Variants in FAM227B observed in about 807,000 individuals in gnomAD.
The protein encoded by FAM227B is family with sequence similarity 227 member B.
A neutral mutation model predicts 73.8 loss-of-function variants in FAM227B; 88 were observed. The ratio of observed to expected loss-of-function variants is 1.19; its 90% confidence interval spans 1.00 to 1.42. The LOEUF is 1.42. FAM227B is among the 40% of genes most tolerant of loss of function. The pLI, the probability that FAM227B is intolerant of heterozygous loss-of-function variation, is 0.00. For missense variants in FAM227B, 632 were observed against 590.9 expected, an observed-to-expected ratio of 1.07 and a Z score of -0.72; for synonymous variants, 210 against 190.5, an observed-to-expected ratio of 1.10 and a Z score of -0.84.
chr15:49,494,179 G>A (rs1597585623), intron 11 of FAM227B, among the ~76,000 whole-genome samples: 1 of 151,312 alleles, frequency 6.6e-6, no homozygotes, highest in African/African-American at 2.4e-5. Context: ...TAATGCTTGA[G>A]TCTTAAATAT....
intron 10 of FAM227B, among the ~76,000 whole-genome samples, chr15:49,540,695 G>A (rs1875423185): frequency 6.6e-6 from 1 of 152,156 alleles, no homozygotes; most frequent in Non-Finnish European, 1.5e-5. Context: ...TAGTAGAGAT[G>A]AATTTACTTC....
At chr15:49,493,988 C>T (rs1427461973) in intron 11 of FAM227B, among the ~76,000 whole-genome samples, 2 of 151,424 alleles carry the variant, frequency 1.3e-5, no homozygotes, top group East Asian at 1.9e-4. Flanking sequence ...CAATTACATA[C>T]CTATAGATAT....
intron 10 of FAM227B, among the ~76,000 whole-genome samples, chr15:49,511,625 T>C (rs986075781): frequency 3.3e-5 from 5 of 152,066 alleles, no homozygotes; most frequent in Non-Finnish European, 7.4e-5. Context: ...GCATCCCCAA[T>C]AGGCCCTAGT....
intron 10 of FAM227B, among the ~76,000 whole-genome samples, chr15:49,518,725 C>T (rs2059563317): frequency 6.6e-6 from 1 of 152,102 alleles, no homozygotes; most frequent in Non-Finnish European, 1.5e-5. Flanking sequence ...CCTCCCATAA[C>T]ACATGGGGAT....
intron 10 of FAM227B, among the ~76,000 whole-genome samples, chr15:49,514,982 G>A (rs913949466): frequency 2.6e-5 from 4 of 152,016 alleles, no homozygotes; most frequent in African/African-American, 4.8e-5. Flanking sequence ...GAATAGCCAC[G>A]AGCTCCAGGA....
chr15:49,370,280 C>T (rs1313937135), intron 12 of FAM227B, among the ~76,000 whole-genome samples: 1 of 152,192 alleles, frequency 6.6e-6, no homozygotes, highest in Non-Finnish European at 1.5e-5. Flanking sequence ...GCAGCATCCT[C>T]TGAAAAAGGT....
chr15:49,423,960 A>G (rs2049907935), intron 11 of FAM227B: 1 of 215,710 alleles, frequency 4.6e-6, no homozygotes, highest in Non-Finnish European at 9.2e-6. Flanking sequence ...CTTACCCACT[A>G]AAATTTACAC....
intron 11 of FAM227B, among the ~76,000 whole-genome samples, chr15:49,492,346 G>A (rs2152062008): frequency 6.6e-6 from 1 of 151,844 alleles, no homozygotes; most frequent in South Asian, 2.1e-4. Flanking sequence ...AGCAGTTCAC[G>A]CTCATAGGCC....
intron 11 of FAM227B, among the ~76,000 whole-genome samples, chr15:49,442,461 T>C (rs1467271151): frequency 6.6e-6 from 1 of 151,714 alleles, no homozygotes; most frequent in Admixed American, 6.6e-5. Flanking sequence ...GTTATGATTT[T>C]CTCCTTAGAT....
intron 11 of FAM227B, among the ~76,000 whole-genome samples, chr15:49,438,842 A>T (rs1021068523): frequency 4.6e-5 from 7 of 150,938 alleles, no homozygotes; most frequent in Admixed American, 3.3e-4. Context: ...ACTGAGAGAG[A>T]GAGTGGGTGG....
In FAM227B at chr15:49,589,863, T is replaced by C; in HGVS notation, c.250A>G (p.Met84Val). The change falls in exon 4 of 16, where the codon ATG (methionine) becomes GTG (valine). Residue 84 changes from methionine (M) to valine (V), a missense_variant. Transcript: ENST00000299338. Reference protein sequence around the residue: ...VPRIFEALLIMESKLKEYSLI... With the variant: ...VPRIFEALLIVESKLKEYSLI... Reference sequence around the variant, plus strand: ...GAATATTCCTTTAATTTTGATTCCATGATCAAAAGTGCTTCAAATATTCGA... The same window carrying C: ...GAATATTCCTTTAATTTTGATTCCACGATCAAAAGTGCTTCAAATATTCGA... 5 of 1,606,530 alleles carry C rather than the reference T, an allele frequency of 3.1e-6. No homozygotes were observed. Among genetic ancestry groups the C allele is most frequent in the Non-Finnish European group, 4.3e-6 (5 of 1,173,172 alleles).
chr15:49,576,961 C>T lies in FAM227B; in HGVS notation c.442-116G>A, dbSNP rs575588605. ...ATCACTCACTAACATAATTACTTTACTTCTTTTTACTAAATTAACTAAAAA... is the reference window on the plus strand; with the variant it reads ...ATCACTCACTAACATAATTACTTTATTTCTTTTTACTAAATTAACTAAAAA... On this transcript the variant is annotated intron_variant, in intron 6 of 15. Transcript: ENST00000299338. 5 of 599,122 alleles carry T rather than the reference C, an allele frequency of 8.3e-6. No homozygotes were observed. In the South Asian group the frequency reaches 9.1e-5, roughly 11 times the overall value. 37.1% of individuals were successfully genotyped at this position (599,122 alleles called of 1,614,324 possible).
intron 3 of FAM227B, among the ~76,000 whole-genome samples, chr15:49,601,318 A>C (rs1420437042): frequency 4.0e-5 from 6 of 151,676 alleles, no homozygotes; most frequent in Non-Finnish European, 1.5e-5. Flanking sequence ...TGGTTATATA[A>C]GGCTTACATA....
At chr15:49,442,252 C>T (rs1314621590) in intron 11 of FAM227B, among the ~76,000 whole-genome samples, 1 of 151,526 alleles carries the variant, frequency 6.6e-6, no homozygotes, top group African/African-American at 2.4e-5. Context: ...TATAAACATC[C>T]ATACTTTTTC....
intron 10 of FAM227B, among the ~76,000 whole-genome samples, chr15:49,511,235 A>C (rs2058974887): frequency 6.6e-6 from 1 of 152,126 alleles, no homozygotes; most frequent in South Asian, 2.1e-4. Context: ...TTTGAGATGG[A>C]TGCTTAAACA....
intron 11 of FAM227B, among the ~76,000 whole-genome samples, chr15:49,480,666 A>G (rs1314051118): frequency 6.6e-6 from 1 of 152,024 alleles, no homozygotes; most frequent in Non-Finnish European, 1.5e-5. Flanking sequence ...TATTTTTAGT[A>G]GAAACGGGGT....
At chr15:49,519,250 TTGAG>T (rs1366482523) in intron 10 of FAM227B, among the ~76,000 whole-genome samples, 1 of 152,186 alleles carries the variant, frequency 6.6e-6, no homozygotes, top group African/African-American at 2.4e-5. Context: ...TGGGTTGGCA[TTGAG>T]TGTCTGTGGC....
intron 11 of FAM227B, among the ~76,000 whole-genome samples, chr15:49,449,591 T>C (rs910690549): frequency 6.6e-6 from 1 of 152,042 alleles, no homozygotes; most frequent in African/African-American, 2.4e-5. Flanking sequence ...ATACTTCTAT[T>C]AAGGCAGCCA....
intron 11 of FAM227B, among the ~76,000 whole-genome samples, chr15:49,470,965 T>G (rs1412654464): frequency 6.6e-6 from 1 of 152,228 alleles, no homozygotes; most frequent in African/African-American, 2.4e-5. Context: ...ATATTTGTTG[T>G]GTTTGTTCCA....
Sources: allele counts gnomAD v4.1 joint callset (sites outside exome capture counted in the v4.1 genomes callset), GRCh38; gene constraint gnomAD v4.1.1; transcripts MANE v1.5; gene names NCBI Gene and HGNC (gene_info 2026-07-23, HGNC 2026-07-21).